NOL9: variants seen among roughly 807,000 people sequenced by gnomAD.
The protein encoded by NOL9 is nucleolar protein 9.
In NOL9, 28 loss-of-function variants were observed where a neutral mutation model predicts 67.9. That is an observed-to-expected ratio of 0.41 (90% confidence interval 0.31 to 0.57). The LOEUF (loss-of-function observed/expected upper bound fraction) is 0.57, where lower values mean the gene tolerates loss of function less well. Ranked by LOEUF, NOL9 falls within the 20% of genes least tolerant of loss-of-function variation. The pLI, the probability that NOL9 is intolerant of heterozygous loss-of-function variation, is 0.25. For missense variants in NOL9, 777 were observed against 897.0 expected (o/e 0.87, Z 1.71); for synonymous variants, 356 against 352.2 (o/e 1.01, Z -0.12).
Position 6,554,472 on chromosome 1 carries a change from C to G in NOL9, c.31G>C (p.Gly11Arg). 6.5e-7 allele frequency: 1 copy of G among 1,550,176 alleles called. No homozygotes were observed. Among genetic ancestry groups the G allele is most frequent in the Non-Finnish European group, 8.6e-7 (1 of 1,160,568 alleles). The change falls in exon 1 of 12, where the codon GGT (glycine) becomes CGT (arginine). Residue 11 changes from glycine (G) to arginine (R), a missense_variant. Around this residue, in one of 2 missense-constraint regions of NOL9, gnomAD observed 364 missense variants for 344.4 expected, o/e 1.06. Transcript: ENST00000377705. Reference protein sequence around the residue: MADSGLLLKRGSCRSTWLRVR... With the variant: MADSGLLLKRRSCRSTWLRVR... The stretch of plus-strand genomic sequence containing the variant: ...CGCAGCCAAGTGGAACGGCAGGAAC[C>G]CCGCTTTAGCAGCAGTCCCGAGTCC...
intron 1 of NOL9, among the ~76,000 whole-genome samples, chr1:6,552,673 T>C (rs1362944746): frequency 6.6e-6 from 1 of 151,426 alleles, no homozygotes; most frequent in Admixed American, 6.6e-5. Context: ...TTTCGCCATA[T>C]TGGCCAGGCT....
chr1:6,529,524 G>A (rs1319777079), intron 9 of NOL9, among the ~76,000 whole-genome samples: 1 of 152,022 alleles, frequency 6.6e-6, no homozygotes, highest in African/African-American at 2.4e-5. Flanking sequence ...GGAGGCGGAG[G>A]TTGCAGTGAG....
chr1:6,545,319 C>G, intron 3 of NOL9, 139 bp from the exon 4 acceptor site: 1 of 797,736 alleles, frequency 1.3e-6, no homozygotes, highest in Non-Finnish European at 2.0e-6. Context: ...AAAATCCAAC[C>G]CATCAACAAG....
Position 6,527,115 on chromosome 1 carries a change from T to C in NOL9, c.1826-286A>G, listed in dbSNP as rs898562962. ...ACAAAAAATTAGCCGGGCGTAGTGG[T>C]GGGCGCCTGTAGTCCCAGCTACTCG... On this transcript the variant is annotated intron_variant, in intron 10 of 11. Transcript: ENST00000377705. Among the ~76,000 whole-genome samples the C allele has an allele frequency of 4.6e-5, 7 of 151,646 alleles. No homozygotes were observed. The South Asian group carries it at 1.5e-3, about 32-fold the overall frequency.
At chr1:6,533,775 C>T (rs1639086967) in intron 6 of NOL9, among the ~76,000 whole-genome samples, 1 of 152,192 alleles carries the variant, frequency 6.6e-6, no homozygotes, top group African/African-American at 2.4e-5. Context: ...ACATCCCCAC[C>T]CTCACAGGGC....
At chr1:6,528,860 T>C in intron 10 of NOL9, 134 bp downstream of exon 10, 1 of 778,036 alleles carries the variant, frequency 1.3e-6, no homozygotes, top group Non-Finnish European at 2.0e-6. Context: ...CCCTAAGGCG[T>C]GCTATATAGA....
At chr1:6,538,836 A>G (rs1639212982) in intron 6 of NOL9, among the ~76,000 whole-genome samples, 1 of 151,768 alleles carries the variant, frequency 6.6e-6, no homozygotes, top group Admixed American at 6.6e-5. Flanking sequence ...TACAAAAATT[A>G]GCCAGGCGTG....
chr1:6,545,829 G>A (rs754914056), intron 3 of NOL9, among the ~76,000 whole-genome samples: 5 of 144,948 alleles, frequency 3.4e-5, no homozygotes, highest in African/African-American at 1.3e-4. Flanking sequence ...CACAAGAATC[G>A]CTTGAACCCA....
At chr1:6,551,255 G>A (rs2148662848) in intron 1 of NOL9, among the ~76,000 whole-genome samples, 1 of 152,052 alleles carries the variant, frequency 6.6e-6, no homozygotes. Flanking sequence ...AGGCTGCTGT[G>A]AACCGTAATT....
Position 6,545,118 on chromosome 1 carries a change from C to CT in NOL9, c.806dup (p.Lys270GlufsTer10), listed in dbSNP as rs1557791913. 23 of 1,614,006 alleles carry CT rather than the reference C, an allele frequency of 1.4e-5. No individual in the cohort carries two copies. Among genetic ancestry groups the CT allele is most frequent in the Non-Finnish European group, 1.9e-5 (23 of 1,179,960 alleles). On this transcript the variant is annotated frameshift_variant, in exon 4 of 12. Transcript: ENST00000377705. LOFTEE classifies it high-confidence loss of function. ...TTAACTGAAGGCCTTTCCTTTTTTT[C>CT]TCTCTTCTGATGCCAACAGACCTCA... is the stretch of plus-strand genomic sequence containing the variant.
chr1:6,525,955 T>C lies in NOL9; in HGVS notation c.2008A>G (p.Lys670Glu). Residue 670 changes from lysine (K) to glutamate (E), a missense_variant, in exon 12 of 12, where the codon AAA (lysine) becomes GAA (glutamate). Physicochemically the swap from Lys to Glu is moderately conservative, Grantham distance 56 (BLOSUM62 1). This residue lies in a region of NOL9 where 413 missense variants were observed against 552.6 expected (regional missense o/e 0.75). Transcript: ENST00000377705. ...ATTTTCTCTGATGCTCCAGGAAGTT[T>C]AAAATTGTAATCCGTTGTGACATAA... is the stretch of plus-strand genomic sequence containing the variant. ...VPYVTTDYNF[K>E]LPGASEKIGA... 2.5e-6 allele frequency: 4 copies of C among 1,613,930 alleles called. No homozygotes were observed. The highest frequency in any genetic ancestry group is 3.4e-6 in the Non-Finnish European group (4 of 1,179,818).
chr1:6,547,441 T>A (rs1371551862), intron 3 of NOL9, among the ~76,000 whole-genome samples: 2 of 151,866 alleles, frequency 1.3e-5, no homozygotes, highest in Non-Finnish European at 2.9e-5. Flanking sequence ...ATATCCAGTC[T>A]GTCTGCCAAT....
chr1:6,544,902 C>T lies in NOL9; in HGVS notation c.901G>A (p.Val301Ile), dbSNP rs764530396. ...TCCTGGGATCCACAAACTAGAATGA[C>T]AGGGCAGCCATCTACTTCTTCTGAA... ...VSCEEVDGCP[V>I]ILVCGSQDVG... Residue 301 changes from valine (V) to isoleucine (I), a missense_variant, in exon 5 of 12, where the codon GTC becomes ATC. By Grantham distance (29) the Val-to-Ile change is conservative (BLOSUM62 3). Transcript: ENST00000377705. The T allele has an allele frequency of 1.9e-6, 3 of 1,614,198 alleles. No homozygotes were observed. Among genetic ancestry groups the T allele is most frequent in the Admixed American group, 1.7e-5 (1 of 60,022 alleles).
chr1:6,532,293 T>G, intron 8 of NOL9, 170 bp downstream of exon 8: 1 of 750,084 alleles, frequency 1.3e-6, no homozygotes, highest in Middle Eastern at 2.8e-4. Context: ...TCTGGATATT[T>G]CCACTGGGAA....
intron 6 of NOL9, among the ~76,000 whole-genome samples, chr1:6,536,284 T>C (rs867789919): frequency 3.3e-5 from 5 of 152,058 alleles, no homozygotes; most frequent in Non-Finnish European, 7.4e-5. Context: ...AGGCGGAGCT[T>C]GCAGTGAGCC....
In NOL9 at chr1:6,554,272, T is replaced by C; in HGVS notation, c.231A>G (p.Arg77=). 1 of 1,475,498 alleles carries C rather than the reference T, an allele frequency of 6.8e-7. No individual in the cohort carries two copies. Among genetic ancestry groups the C allele is most frequent in the African/African-American group, 1.5e-5 (1 of 67,746 alleles). 91.4% of individuals were successfully genotyped at this position (1,475,498 alleles called of 1,614,324 possible). The change falls in exon 1 of 12, where the codon AGA becomes AGG. Residue 77 remains arginine, a synonymous_variant. Transcript: ENST00000377705. ...TCGGGCTGGGGGTCGCGGTGTTGGG[T>C]CTCCGGGCCGCCGCCGCGCGCGACA... is the stretch of plus-strand genomic sequence containing the variant. ...RQVSRAAAAR[R]PNTATPSPIP... is the part of the protein sequence containing the mutation.
At chr1:6,547,893 C>G (rs1003640752) in intron 3 of NOL9, 1 of 175,970 alleles carries the variant, frequency 5.7e-6, no homozygotes, top group South Asian at 1.1e-4. Context: ...GTTGTCTACA[C>G]GAAGTGAGAA....
At chr1:6,537,289 A>C (rs929448050) in intron 6 of NOL9, among the ~76,000 whole-genome samples, 2 of 152,084 alleles carry the variant, frequency 1.3e-5, no homozygotes, top group Non-Finnish European at 2.9e-5. Flanking sequence ...GAAACTGTAA[A>C]CCTACTAGAG....
chr1:6,539,302 T>A (rs4908910), intron 6 of NOL9, among the ~76,000 whole-genome samples: 124,442 of 152,130 alleles, frequency 0.82, 51,762 homozygotes, highest in Non-Finnish European at 0.89. Flanking sequence ...CTCCTCGGTA[T>A]ACACCTGAAA....
Sources: gnomAD v4.1 joint callset for allele counts (sites outside exome capture counted in the v4.1 genomes callset) on GRCh38, gnomAD v4.1.1 for gene constraint, gnomAD v4.1.1 regional missense constraint, MANE v1.5 for transcripts, NCBI Gene and HGNC (gene_info 2026-07-23, HGNC 2026-07-21) for gene names.